The following UBE3A variants were observed in gnomAD, a reference collection of about 807,000 sequenced individuals.
UBE3A encodes the protein ubiquitin protein ligase E3A, also known as ubiquitin-protein ligase E3A.
A neutral mutation model predicts 83.4 loss-of-function variants in UBE3A; 6 were observed. That is an observed-to-expected ratio of 0.07 (90% CI 0.04 to 0.14). UBE3A has a LOEUF of 0.14. Ranked by LOEUF, UBE3A falls within the 10% of genes least tolerant of loss-of-function variation. The pLI is 1.00. For missense variants in UBE3A, 456 were observed against 1,036.1 expected (o/e 0.44, Z 7.69); for synonymous variants, 337 against 355.4 (o/e 0.95, Z 0.58).
chr15:25,350,165 G>A (rs1488727494), intron 11 of UBE3A, among the ~76,000 whole-genome samples: 1 of 151,984 alleles, frequency 6.6e-6, no homozygotes, highest in Non-Finnish European at 1.5e-5. Flanking sequence ...GAGGGCTGAC[G>A]TAAGAAGATT....
intron 1 of UBE3A, among the ~76,000 whole-genome samples, chr15:25,417,068 CTG>C (rs995804235): frequency 1.3e-5 from 2 of 152,108 alleles, no homozygotes; most frequent in African/African-American, 4.8e-5. Flanking sequence ...TGAGTACTAA[CTG>C]TACACGATTA....
At chr15:25,366,601 T>C (rs2079139022) in intron 6 of UBE3A, among the ~76,000 whole-genome samples, 6 of 152,212 alleles carry the variant, frequency 3.9e-5, no homozygotes, top group Admixed American at 3.9e-4. Flanking sequence ...TTATGTGAAA[T>C]GCTAGAACTC....
chr15:25,393,198 T>C (rs1177495541), intron 4 of UBE3A, among the ~76,000 whole-genome samples: 1 of 151,970 alleles, frequency 6.6e-6, no homozygotes, highest in African/African-American at 2.4e-5. Flanking sequence ...AAAAAAAAGA[T>C]GAAATTGACC....
At chr15:25,365,979 A>C (rs539410048) in intron 6 of UBE3A, among the ~76,000 whole-genome samples, 1 of 152,260 alleles carries the variant, frequency 6.6e-6, no homozygotes, top group African/African-American at 2.4e-5. Context: ...CCTGACTTCT[A>C]TTTCCAATTC....
chr15:25,355,793 T>C, intron 9 of UBE3A, 99 bp downstream of exon 9: 1 of 1,180,368 alleles, frequency 8.5e-7, no homozygotes, highest in South Asian at 1.4e-5. Flanking sequence ...TGTTTTTTTT[T>C]TGTACAGACT....
At position 25,415,473 on chromosome 15, in the gene UBE3A, C is replaced by T. The variant is rs200269634; in HGVS notation, c.-164-3502G>A. ...ATGTACTGGATATTTGTGTTTCTGA[C>T]TTCAATGCTTTTGCTTCTGAGGAGA... On this transcript the variant is annotated intron_variant, in intron 1 of 12. Transcript: ENST00000648336. Among the ~76,000 whole-genome samples, 8 of 152,088 alleles carry T rather than the reference C, an allele frequency of 5.3e-5. No individual in the cohort carries two copies. In the East Asian group the frequency reaches 1.5e-3, roughly 29 times the overall value.
At chr15:25,391,987 A>G (rs2084504657) in intron 4 of UBE3A, among the ~76,000 whole-genome samples, 1 of 152,036 alleles carries the variant, frequency 6.6e-6, no homozygotes, top group South Asian at 2.1e-4. Flanking sequence ...AAGAAGAATA[A>G]GTTCAGGTAG....
intron 4 of UBE3A, among the ~76,000 whole-genome samples, chr15:25,384,647 C>T (rs2082782846): frequency 6.7e-6 from 1 of 150,340 alleles, no homozygotes; most frequent in South Asian, 2.1e-4. Context: ...GCATTTTCTA[C>T]AGAAACAGAA....
intron 4 of UBE3A, among the ~76,000 whole-genome samples, chr15:25,397,893 C>T (rs1047273785): frequency 6.6e-6 from 1 of 152,172 alleles, no homozygotes; most frequent in Non-Finnish European, 1.5e-5. Context: ...AAATTTGAGA[C>T]ATCTTCACCT....
Position 25,434,011 on chromosome 15 carries a change from A to G in UBE3A, c.-165+4478T>C, listed in dbSNP as rs188620110. Among the ~76,000 whole-genome samples the G allele has an allele frequency of 2.8e-4, 43 of 152,308 alleles. 1 individual carries two copies. The highest frequency in any genetic ancestry group is 1.1e-3 in the Admixed American group (17 of 15,302). On this transcript the variant is annotated intron_variant, in intron 1 of 12. Transcript: ENST00000648336. The stretch of plus-strand genomic sequence containing the variant: ...CTCCAGCCTGAGACTGCAATGAGTT[A>G]TGACAGCACCACTGCACTCCAACTT...
chr15:25,424,736 CTGAAA>C (rs1459226839), intron 1 of UBE3A, among the ~76,000 whole-genome samples: 2 of 152,032 alleles, frequency 1.3e-5, no homozygotes, highest in African/African-American at 2.4e-5. Flanking sequence ...AATTAAAAAC[CTGAAA>C]TGAAATTTTA....
Position 25,339,215 on chromosome 15 carries a change from C to T in UBE3A, c.2541G>A (p.Pro847=). The change falls in exon 13 of 13, where the codon CCG becomes CCA. Residue 847 remains proline, a synonymous_variant. Transcript: ENST00000648336. ...SHTCFNVLLL[P]EYSSKEKLKE... ...TAAGTTTTTCTTTGCTTGAGTATTC[C>T]GGAAGTAAAAGCACATTAAAGCAAG... 6.2e-7 allele frequency: 1 copy of T among 1,611,320 alleles called. No homozygotes were observed. Among genetic ancestry groups the T allele is most frequent in the Non-Finnish European group, 8.5e-7 (1 of 1,179,176 alleles).
Position 25,339,170 on chromosome 15 carries a change from G to T in UBE3A, c.2586C>A (p.Ala862=). The stretch of plus-strand genomic sequence containing the variant: ...TGCCAAATCCTTTGGCATACGTGAT[G>T]GCCTTCAACAATCTCTCTTTAAGTT... ...KEKLKERLLK[A]ITYAKGFGML is the part of the protein sequence containing the mutation. The change falls in exon 13 of 13, where the codon GCC becomes GCA. Residue 862 remains alanine, a synonymous_variant. Transcript: ENST00000648336. 6.2e-7 allele frequency: 1 copy of T among 1,608,540 alleles called. No individual in the cohort carries two copies.
intron 4 of UBE3A, among the ~76,000 whole-genome samples, chr15:25,378,874 T>C (rs1057350939): frequency 6.6e-6 from 1 of 152,142 alleles, no homozygotes; most frequent in African/African-American, 2.4e-5. Flanking sequence ...CTTGAGGAAA[T>C]GGAACCACTA....
In UBE3A at chr15:25,334,549, C is replaced by T. The variant is rs1046891170; in HGVS notation, c.*4588G>A. ...GTTTTGCAGGAATTGACACAATGAT[C>T]ATATAAAAATTCATATGCAATGCAA... On this transcript the variant is annotated 3_prime_UTR_variant, in exon 13 of 13. Coordinates refer to ENST00000648336, the MANE Select transcript of UBE3A (RefSeq NM_130839.5). 1 of 149,604 alleles carries T rather than the reference C, an allele frequency of 6.7e-6. No individual in the cohort carries two copies. Among genetic ancestry groups the T allele is most frequent in the Non-Finnish European group, 1.5e-5 (1 of 67,634 alleles). The allele number at this position is 149,604 out of a possible 1,614,324, so 9.3% of individuals were successfully genotyped here.
chr15:25,357,969 CAGCTTAGTGCA>C (rs1194259416), intron 7 of UBE3A, among the ~76,000 whole-genome samples: 1 of 142,834 alleles, frequency 7.0e-6, no homozygotes, highest in Non-Finnish European at 1.5e-5. Context: ...CAGCAGCACT[CAGCTTAGTGCA>C]AGCTCCGCCT....
intron 4 of UBE3A, among the ~76,000 whole-genome samples, chr15:25,395,816 A>G (rs901290027): frequency 5.9e-5 from 9 of 152,214 alleles, no homozygotes; most frequent in Non-Finnish European, 1.0e-4. Context: ...ACTGAACCAT[A>G]AATCACTTGT....
intron 4 of UBE3A, among the ~76,000 whole-genome samples, chr15:25,380,579 G>T (rs1428222965): frequency 6.6e-6 from 1 of 151,988 alleles, no homozygotes; most frequent in East Asian, 1.9e-4. Context: ...AAGGGAAAAA[G>T]GGGAAAAGAA....
At chr15:25,367,086 TAATA>T in intron 6 of UBE3A, among the ~76,000 whole-genome samples, 1 of 151,778 alleles carries the variant, frequency 6.6e-6, no homozygotes, top group Admixed American at 6.6e-5. Flanking sequence ...TAAAAAATCT[TAATA>T]CATACTATCA....
Sources: gnomAD v4.1 joint callset for allele counts (sites outside exome capture counted in the v4.1 genomes callset) on GRCh38, gnomAD v4.1.1 for gene constraint, MANE v1.5 for transcripts, NCBI Gene and HGNC (gene_info 2026-07-23, HGNC 2026-07-21) for gene names.